The following MUC4 variants were observed in gnomAD, a reference collection of about 807,000 sequenced individuals.
The protein encoded by MUC4 is mucin 4, cell surface associated, also known as mucin-4.
In MUC4, 202 loss-of-function variants were observed where a neutral mutation model predicts 257.9. The observed-to-expected ratio is 0.78, with a 90% CI of 0.70 to 0.88. The LOEUF (loss-of-function observed/expected upper bound fraction) is 0.88, where lower values mean the gene tolerates loss of function less well. MUC4 is among the 40% of genes least tolerant of loss of function. MUC4 has a pLI of 0.00. For synonymous variants in MUC4, 2,351 were observed against 2,757.1 expected, an observed-to-expected ratio of 0.85 and a Z score of 4.62; for missense variants, 5,976 against 6,513.7, an observed-to-expected ratio of 0.92 and a Z score of 2.84.
chr3:195,771,369 T>C (rs868246437), intron 5 of MUC4, among the ~76,000 whole-genome samples: 62 of 113,698 alleles, frequency 5.5e-4, no homozygotes, highest in Middle Eastern at 5.8e-3. Flanking sequence ...AGTCTCGTGG[T>C]TGGGTTGGGG....
chr3:195,811,490 C>T (rs1019971545), intron 1 of MUC4, among the ~76,000 whole-genome samples: 3 of 151,954 alleles, frequency 2.0e-5, no homozygotes, highest in East Asian at 1.9e-4. Flanking sequence ...TTCTTTCTCT[C>T]TCCCTCTTCT....
Position 195,765,463 on chromosome 3 carries a change from TG to T in MUC4, c.13619-15del, listed in dbSNP as rs766700435. 6.2e-6 allele frequency: 10 copies of T among 1,606,470 alleles called. No individual in the cohort carries two copies. The highest frequency in any genetic ancestry group is 3.3e-5 in the South Asian group (3 of 90,426). On this transcript the variant is annotated splice_polypyrimidine_tract_variant and intron_variant, in intron 8 of 24. Transcript: ENST00000463781. ...GCCCTTGGAGGCCTGAGGTCGGGGA[TG>T]GGGGGGAAAGGGCTTATCCAGGGCT...
chr3:195,760,953 G>T lies in MUC4; in HGVS notation c.14779C>A (p.Arg4927Ser). ...SSCIYDTLAL[R>S]NASIGLHTRE... ...GTGTGAAGTCCGATGCTTGCGTTGC[G>T]CAGGGCCAGGGTGTCATAGATGCAT... The change falls in exon 16 of 25, where the codon CGC becomes AGC. Residue 4927 changes from arginine to serine, a missense_variant. Physicochemically the swap from Arg to Ser is moderately radical, Grantham distance 110. This residue lies in a region of MUC4 where 996 missense variants were observed against 1,137.3 expected (regional missense o/e 0.88). Coordinates refer to ENST00000463781, the MANE Select transcript of MUC4 (RefSeq NM_018406.7). 6.2e-7 allele frequency: 1 copy of T among 1,614,224 alleles called. No homozygotes were observed. The highest frequency in any genetic ancestry group is 1.1e-5 in the South Asian group (1 of 91,084).
At chr3:195,766,851 C>A in intron 7 of MUC4, 100 bp from the exon 8 acceptor site, 1 of 1,075,320 alleles carries the variant, frequency 9.3e-7, no homozygotes, top group South Asian at 1.4e-5. Flanking sequence ...AGCAGCTGGT[C>A]AACCAGCTAG....
Position 195,790,174 on chromosome 3 carries a change from C to G in MUC4, c.1406G>C (p.Ser469Thr). Residue 469 changes from serine to threonine, a missense_variant, in exon 2 of 25, where the codon AGC becomes ACC. Ser to Thr is a moderately conservative substitution (Grantham distance 58). Transcript: ENST00000463781. Reference sequence around the variant, plus strand: ...TTGAGACACACCTGGAGAGAATGAGCTCCTCTCATGAGGCCGTCCTGTGGT... The same window carrying G: ...TTGAGACACACCTGGAGAGAATGAGGTCCTCTCATGAGGCCGTCCTGTGGT... ...AETTGRPHER[S>T]SFSPGVSQEI... is the part of the protein sequence containing the mutation. The G allele has an allele frequency of 6.2e-7, 1 of 1,614,002 alleles. No homozygotes were observed. The highest frequency in any genetic ancestry group is 8.5e-7 in the Non-Finnish European group (1 of 1,179,882).
chr3:195,758,102 G>C (rs1446392104), intron 17 of MUC4, among the ~76,000 whole-genome samples: 1 of 152,230 alleles, frequency 6.6e-6, no homozygotes, highest in African/African-American at 2.4e-5. Context: ...CGGGGCTTTG[G>C]TTTAGCCAAG....
chr3:195,780,602 C>G lies in MUC4; in HGVS notation c.10978G>C (p.Gly3660Arg), dbSNP rs1386288743. ...LVTDASSVST[G>R]HATPLPVTDT... Reference sequence around the variant, plus strand: ...GTGACAGGAAGAGGGGTGGCGTGACCTGTGGATACTGAGGAAGCGTCGGTG... The same window carrying G: ...GTGACAGGAAGAGGGGTGGCGTGACGTGTGGATACTGAGGAAGCGTCGGTG... The change falls in exon 2 of 25, where the codon GGT becomes CGT. Residue 3660 changes from glycine (G) to arginine (R), a missense_variant. By Grantham distance (125) the Gly-to-Arg change is moderately radical (BLOSUM62 -2). Around this residue, in one of 44 missense-constraint regions of MUC4, gnomAD observed 59 missense variants for 149.8 expected, o/e 0.39. Coordinates refer to ENST00000463781, the MANE Select transcript of MUC4 (RefSeq NM_018406.7). 2 of 1,433,598 alleles carry G rather than the reference C, an allele frequency of 1.4e-6. No homozygotes were observed. Among genetic ancestry groups the G allele is most frequent in the African/African-American group, 4.6e-5 (2 of 43,734 alleles). The allele number at this position is 1,433,598 out of a possible 1,614,324, so 88.8% of individuals were successfully genotyped here.
chr3:195,752,655 A>C (rs1716697989), intron 20 of MUC4: 1 of 608,340 alleles, frequency 1.6e-6, no homozygotes, highest in Admixed American at 2.8e-5. Flanking sequence ...TACATTCCAC[A>C]GTGACAGAAG....
At chr3:195,767,642 TC>T (rs1721313490) in intron 7 of MUC4, among the ~76,000 whole-genome samples, 3 of 31,374 alleles carry the variant, frequency 9.6e-5, no homozygotes, top group Non-Finnish European at 1.2e-4. Flanking sequence ...ACCACCACCA[TC>T]GCCACCACCA....
chr3:195,771,763 G>C lies in MUC4; in HGVS notation c.13131C>G (p.Ser4377=). The C allele has an allele frequency of 6.2e-7, 1 of 1,613,922 alleles. No homozygotes were observed. The highest frequency in any genetic ancestry group is 2.2e-5 in the East Asian group (1 of 44,888). ...AGCCTGTTGGGAGTGGGTTGGGGTA[G>C]GAGAAAATCTGGTAGTCTGACTCTG... ...IFPESDYQIF[S]YPNPLPTGFT... Residue 4377 remains serine (S), a synonymous_variant, in exon 5 of 25, where the codon TCC becomes TCG. Coordinates refer to ENST00000463781, the MANE Select transcript of MUC4 (RefSeq NM_018406.7).
chr3:195,780,970 A>G lies in MUC4; in HGVS notation c.10610T>C (p.Leu3537Pro). ...TACTGAGGAAAGGCTGGTGACAGGA[A>G]GAGGCGTGGCGTGACCGGTGGATAC... Reference protein sequence around the residue: ...SSVSTGHATPLPVTSLSSVST... With the variant: ...SSVSTGHATPPPVTSLSSVST... Residue 3537 changes from leucine (L) to proline (P), a missense_variant, in exon 2 of 25, where the codon CTT becomes CCT. Around this residue, in one of 44 missense-constraint regions of MUC4, gnomAD observed 297 missense variants for 240.9 expected, o/e 1.23. Coordinates refer to ENST00000463781, the MANE Select transcript of MUC4 (RefSeq NM_018406.7). 6.6e-7 allele frequency: 1 copy of G among 1,505,232 alleles called. No homozygotes were observed. Among genetic ancestry groups the G allele is most frequent in the Non-Finnish European group, 8.9e-7 (1 of 1,118,268 alleles). 93.2% of individuals were successfully genotyped at this position (1,505,232 alleles called of 1,614,324 possible).
chr3:195,751,537 A>G (rs1716445496), intron 21 of MUC4: 1 of 573,834 alleles, frequency 1.7e-6, no homozygotes, highest in South Asian at 2.1e-5. Context: ...AGAGAATCTG[A>G]CATGAATGGC....
intron 21 of MUC4, 70 bp from the exon 22 acceptor site, chr3:195,751,341 G>A: frequency 1.7e-6 from 2 of 1,165,530 alleles, no homozygotes; most frequent in South Asian, 2.6e-5. Flanking sequence ...CTCCCACCTT[G>A]ATGGGTGTAT....
At chr3:195,754,860 G>T (rs1397235083) in intron 18 of MUC4, among the ~76,000 whole-genome samples, 11 of 145,406 alleles carry the variant, frequency 7.6e-5, no homozygotes, top group Admixed American at 6.8e-4. Flanking sequence ...TATCCATGTA[G>T]ATATGTATCA....
chr3:195,768,444 G>A (rs377350248), intron 7 of MUC4, among the ~76,000 whole-genome samples: 18 of 152,198 alleles, frequency 1.2e-4, no homozygotes, highest in African/African-American at 3.9e-4. Flanking sequence ...CTTCACCACC[G>A]GCTCCATATA....
At chr3:195,794,131 G>T (rs1484552352) in intron 1 of MUC4, among the ~76,000 whole-genome samples, 1 of 143,936 alleles carries the variant, frequency 6.9e-6, no homozygotes, top group Non-Finnish European at 1.5e-5. Flanking sequence ...AATAAATAAA[G>T]AAAAATATTT....
rs748658203 is a variant in MUC4 at position 195,764,031 on chromosome 3, G to A, written c.14044+14C>T. 22 of 1,606,908 alleles carry A rather than the reference G, an allele frequency of 1.4e-5. No homozygotes were observed. In the East Asian group the frequency reaches 3.8e-4, roughly 28 times the overall value. ...CCCCAGAGGCTCTTCCTGGGCCTGG[G>A]CCCTGTCGCTCACCGGGCTGTGGGG... On this transcript the variant is annotated intron_variant, in intron 11 of 24. Transcript: ENST00000463781.
Position 195,778,458 on chromosome 3 carries a change from G to A in MUC4, c.12791-3C>T, listed in dbSNP as rs894442388. The A allele has an allele frequency of 6.2e-7, 1 of 1,611,680 alleles. No homozygotes were observed. The highest frequency in any genetic ancestry group is 8.5e-7 in the Non-Finnish European group (1 of 1,179,514). On this transcript the variant is annotated splice_region_variant and splice_polypyrimidine_tract_variant and intron_variant, in intron 2 of 24. Coordinates refer to ENST00000463781, the MANE Select transcript of MUC4 (RefSeq NM_018406.7). ...CTTCAGTGACGGTGTTGTCATTCCTGGACACGTGAAAAGACAAGGCGGGGT... is the reference window on the plus strand; with the variant it reads ...CTTCAGTGACGGTGTTGTCATTCCTAGACACGTGAAAAGACAAGGCGGGGT...
At chr3:195,808,461 C>A (rs1736272755) in intron 1 of MUC4, among the ~76,000 whole-genome samples, 1 of 152,112 alleles carries the variant, frequency 6.6e-6, no homozygotes. Context: ...CCGCCTGGGC[C>A]TCCAAAAGTG....
Sources: allele counts gnomAD v4.1 joint callset (sites outside exome capture counted in the v4.1 genomes callset), GRCh38; gene constraint gnomAD v4.1.1; regional missense constraint gnomAD v4.1.1; transcripts MANE v1.5; gene names NCBI Gene and HGNC (gene_info 2026-07-23, HGNC 2026-07-21).